CPSF3: variants seen among roughly 807,000 people sequenced by gnomAD.
The protein encoded by CPSF3 is cleavage and polyadenylation specificity factor subunit 3.
In CPSF3, 57 loss-of-function variants were observed where a neutral mutation model predicts 84.1. The observed-to-expected ratio is 0.68, with a 90% CI of 0.55 to 0.85. The LOEUF (loss-of-function observed/expected upper bound fraction) is 0.85, where lower values mean the gene tolerates loss of function less well. CPSF3 is among the 40% of genes least tolerant of loss of function. The pLI, the probability that CPSF3 is intolerant of heterozygous loss-of-function variation, is 0.00. For missense variants in CPSF3, 522 were observed against 838.8 expected (o/e 0.62, Z 4.66); for synonymous variants, 275 against 278.1 (o/e 0.99, Z 0.11).
chr2:9,455,890 A>G (rs1450631298), intron 13 of CPSF3, 133 bp downstream of exon 13: 2 of 592,176 alleles, frequency 3.4e-6, no homozygotes, highest in Non-Finnish European at 5.7e-6. Flanking sequence ...ATGTGTGATC[A>G]TGTTATTATT....
intron 17 of CPSF3, among the ~76,000 whole-genome samples, chr2:9,471,657 A>C (rs545042574): frequency 6.6e-6 from 1 of 151,408 alleles, no homozygotes; most frequent in African/African-American, 2.4e-5. Context: ...CGTGTATGCC[A>C]CTCCATTGCT....
intron 11 of CPSF3, among the ~76,000 whole-genome samples, chr2:9,449,949 A>T (rs1681257032): frequency 6.6e-6 from 1 of 152,112 alleles, no homozygotes; most frequent in Admixed American, 6.6e-5. Context: ...TTAAATTTTT[A>T]AAAAGGAATT....
At chr2:9,433,537 A>G (rs10209595) in intron 5 of CPSF3, among the ~76,000 whole-genome samples, 24,973 of 152,190 alleles carry the variant, frequency 0.16, 2,247 homozygotes, top group Middle Eastern at 0.29. Flanking sequence ...GTTTTAGACC[A>G]TGTACCTCAG....
chr2:9,469,760 G>C (rs1682099593), intron 16 of CPSF3, among the ~76,000 whole-genome samples: 1 of 152,072 alleles, frequency 6.6e-6, no homozygotes, highest in African/African-American at 2.4e-5. Flanking sequence ...AAACTTCAAA[G>C]CCAATCGTAC....
At position 9,423,832 on chromosome 2, in the gene CPSF3, C is replaced by T; in HGVS notation, c.50+9C>T. On this transcript the variant is annotated intron_variant, in intron 1 of 17. Transcript: ENST00000238112. ...CTGCTGATCCGACCCCTGTAAGGGA[C>T]CAGCGAGAGAGGGAATGAAGCCACG... 1 of 1,612,266 alleles carries T rather than the reference C, an allele frequency of 6.2e-7. No homozygotes were observed. Among genetic ancestry groups the T allele is most frequent in the Non-Finnish European group, 8.5e-7 (1 of 1,179,254 alleles).
intron 15 of CPSF3, among the ~76,000 whole-genome samples, chr2:9,466,288 A>G (rs546064760): frequency 2.4e-4 from 32 of 131,880 alleles, no homozygotes; most frequent in South Asian, 9.1e-4. Context: ...ACACGTGCGC[A>G]CACAGACGCA....
At chr2:9,426,875 CA>C (rs61487619) in intron 1 of CPSF3, among the ~76,000 whole-genome samples, 201 of 131,070 alleles carry the variant, frequency 1.5e-3, no homozygotes, top group East Asian at 2.0e-3. Context: ...GACCTTGTCT[CA>C]AAAAAAAAAA....
chr2:9,441,599 G>T, intron 8 of CPSF3: 2 of 516,876 alleles, frequency 3.9e-6, no homozygotes, highest in Non-Finnish European at 6.9e-6. Context: ...TTTGAAGATC[G>T]GGGTGAACTT....
intron 11 of CPSF3, among the ~76,000 whole-genome samples, chr2:9,448,560 T>TTTTG (rs138241770): frequency 1.3e-5 from 2 of 151,998 alleles, no homozygotes; most frequent in African/African-American, 4.8e-5. Context: ...ATTAGATTTT[T>TTTTG]TGTGTGTGTG....
At chr2:9,441,749 TA>T in intron 8 of CPSF3, 68 bp from the exon 9 acceptor site, 2 of 1,498,038 alleles carry the variant, frequency 1.3e-6, no homozygotes, top group South Asian at 2.4e-5. Flanking sequence ...TGTTATTCTT[TA>T]AAAAGAAAGA....
At chr2:9,471,178 C>A (rs952801263) in intron 16 of CPSF3, among the ~76,000 whole-genome samples, 165 bp from the exon 17 acceptor site, 1 of 151,536 alleles carries the variant, frequency 6.6e-6, no homozygotes, top group African/African-American at 2.4e-5. Context: ...TGTGCCACTG[C>A]GCTCCAGCCT....
At chr2:9,461,098 A>T (rs932343643) in intron 15 of CPSF3, among the ~76,000 whole-genome samples, 2 of 152,196 alleles carry the variant, frequency 1.3e-5, no homozygotes, top group African/African-American at 4.8e-5. Flanking sequence ...TCTGTTATTC[A>T]TTTGAGTCAC....
intron 2 of CPSF3, among the ~76,000 whole-genome samples, chr2:9,429,493 T>G (rs1680501710): frequency 6.6e-6 from 1 of 152,196 alleles, no homozygotes; most frequent in East Asian, 1.9e-4. Context: ...TCTTAAGAAT[T>G]TGTTCCCTAA....
At chr2:9,449,097 G>A (rs1402789065) in intron 11 of CPSF3, among the ~76,000 whole-genome samples, 6 of 151,884 alleles carry the variant, frequency 4.0e-5, no homozygotes, top group African/African-American at 1.2e-4. Flanking sequence ...AAAATTAATC[G>A]GCCGGACACG....
chr2:9,424,962 T>C (rs1680322297), intron 1 of CPSF3: 1 of 152,192 alleles, frequency 6.6e-6, no homozygotes, highest in Non-Finnish European at 1.5e-5. Flanking sequence ...AACATCGCGG[T>C]AGGTGCTTTG....
rs1172145127 is a variant in CPSF3 at position 9,467,954 on chromosome 2, G to C, written c.1856+178G>C. 5.4e-6 allele frequency: 3 copies of C among 551,368 alleles called. No individual in the cohort carries two copies. In the Admixed American group the frequency reaches 1.0e-4, roughly 18 times the overall value. The allele number at this position is 551,368 out of a possible 1,614,324, so 34.2% of individuals were successfully genotyped here. Reference sequence around the variant, plus strand: ...GCTGGAACCGTTCCCTGCCAGCTCTGCACTCACCTGTGACCTGCTAGGTCA... The same window carrying C: ...GCTGGAACCGTTCCCTGCCAGCTCTCCACTCACCTGTGACCTGCTAGGTCA... On this transcript the variant is annotated intron_variant, in intron 16 of 17. Transcript: ENST00000238112.
intron 12 of CPSF3, among the ~76,000 whole-genome samples, chr2:9,453,609 T>C (rs1681408734): frequency 6.6e-6 from 1 of 152,112 alleles, no homozygotes; most frequent in East Asian, 1.9e-4. Flanking sequence ...AATGAAAAAT[T>C]GGGCAGGGTG....
chr2:9,448,790 C>T (rs755683745), intron 11 of CPSF3, among the ~76,000 whole-genome samples: 23 of 152,062 alleles, frequency 1.5e-4, no homozygotes, highest in Admixed American at 9.8e-4. Flanking sequence ...CTCTTGACCA[C>T]GTGATCCACC....
chr2:9,463,799 C>G (rs1025507481), intron 15 of CPSF3, among the ~76,000 whole-genome samples: 2 of 152,182 alleles, frequency 1.3e-5, no homozygotes, highest in African/African-American at 4.8e-5. Context: ...ATAGTGTTAC[C>G]GAAACACAGC....
Sources: allele counts gnomAD v4.1 joint callset (sites outside exome capture counted in the v4.1 genomes callset), GRCh38; gene constraint gnomAD v4.1.1; transcripts MANE v1.5; gene names NCBI Gene and HGNC (gene_info 2026-07-23, HGNC 2026-07-21).